CNTNAP2: variants seen among roughly 807,000 people sequenced by gnomAD.
CNTNAP2 encodes the protein contactin-associated protein-like 2.
Under a neutral mutation model 155.2 loss-of-function variants are expected in CNTNAP2, and 98 were observed. The ratio of observed to expected loss-of-function variants is 0.63; its 90% CI spans 0.54 to 0.75. The LOEUF is 0.75. CNTNAP2 is among the 30% of genes least tolerant of loss of function. The probability of loss-of-function intolerance (pLI) is 0.00; values close to 1 mark genes in which losing one functional copy is unlikely to be tolerated. For synonymous variants in CNTNAP2, 651 were observed against 631.2 expected (o/e 1.03, Z -0.47); for missense variants, 1,727 against 1,688.1 (o/e 1.02, Z -0.40).
At chr7:147,982,157 G>A (rs138891970) in intron 15 of CNTNAP2, among the ~76,000 whole-genome samples, 343 of 152,132 alleles carry the variant, frequency 2.3e-3, no homozygotes, top group African/African-American at 8.1e-3. Context: ...TATATATGAC[G>A]AATATAATTA....
chr7:146,937,365 AAAAT>A (rs1796940418), intron 3 of CNTNAP2, among the ~76,000 whole-genome samples: 4 of 65,514 alleles, frequency 6.1e-5, no homozygotes, highest in African/African-American at 1.9e-4. Context: ...AAAAAAAATA[AAAAT>A]AAAATAAAAT....
intron 1 of CNTNAP2, among the ~76,000 whole-genome samples, chr7:146,670,838 G>A (rs1214401640): frequency 6.6e-6 from 1 of 152,150 alleles, no homozygotes; most frequent in East Asian, 1.9e-4. Flanking sequence ...CTGAGGCTTT[G>A]CTCCGCCCAG....
intron 15 of CNTNAP2, among the ~76,000 whole-genome samples, chr7:148,005,684 C>T (rs1247521504): frequency 2.0e-5 from 3 of 152,188 alleles, no homozygotes; most frequent in South Asian, 2.1e-4. Flanking sequence ...TCCAAAAGCT[C>T]AATCTTATTT....
intron 8 of CNTNAP2, among the ~76,000 whole-genome samples, chr7:147,173,772 G>A (rs1802280290): frequency 6.6e-6 from 1 of 152,102 alleles, no homozygotes; most frequent in African/African-American, 2.4e-5. Flanking sequence ...GTGGGATGGG[G>A]ACATCACAAG....
At chr7:146,824,357 TGTGTCTTTACA>T (rs1803358860) in intron 2 of CNTNAP2, among the ~76,000 whole-genome samples, 1 of 152,222 alleles carries the variant, frequency 6.6e-6, no homozygotes, top group Admixed American at 6.5e-5. Context: ...TATGTGTGCA[TGTGTCTTTACA>T]GTAGAATGAT....
At chr7:146,846,776 A>G (rs1803849596) in intron 3 of CNTNAP2, among the ~76,000 whole-genome samples, 1 of 152,098 alleles carries the variant, frequency 6.6e-6, no homozygotes, top group Non-Finnish European at 1.5e-5. Context: ...TGAATATATT[A>G]TTGGCATATA....
chr7:146,658,382 G>C (rs1434177093), intron 1 of CNTNAP2, among the ~76,000 whole-genome samples: 1 of 103,972 alleles, frequency 9.6e-6, no homozygotes, highest in Non-Finnish European at 2.2e-5. Context: ...GGTGATTTCT[G>C]CCAAAAAAAA....
chr7:147,955,955 G>C (rs549322525), intron 14 of CNTNAP2, among the ~76,000 whole-genome samples: 3 of 152,244 alleles, frequency 2.0e-5, no homozygotes, highest in Admixed American at 1.3e-4. Context: ...GCTATTTATA[G>C]TGAAAAATTT....
rs398112005 is a variant in CNTNAP2, at chr7:148,169,959, C to CAA, written c.2774-2273_2774-2272dup. Reference sequence around the variant, plus strand: ...TAAACAATAGAGTGAAAATCCGCCTCAAAAAAAAAAAGTTTCATGATATGT... The same window carrying CAA: ...TAAACAATAGAGTGAAAATCCGCCTCAAAAAAAAAAAAAGTTTCATGATATGT... On this transcript the variant is annotated intron_variant, in intron 17 of 23. Coordinates refer to ENST00000361727, the MANE Select transcript of CNTNAP2 (RefSeq NM_014141.6). Among the ~76,000 whole-genome samples the CAA allele has an allele frequency of 7.2e-3, 1,046 of 144,350 alleles. 8 individuals carry two copies. Among genetic ancestry groups the CAA allele is most frequent in the African/African-American group, 0.022 (871 of 39,914 alleles). The allele number at this position is 144,350 out of a possible 152,430, so 94.7% of individuals were successfully genotyped here.
At chr7:146,906,126 T>G (rs1796119527) in intron 3 of CNTNAP2, among the ~76,000 whole-genome samples, 1 of 152,176 alleles carries the variant, frequency 6.6e-6, no homozygotes, top group Non-Finnish European at 1.5e-5. Context: ...CGGGACTATA[T>G]CCCACACCTG....
chr7:146,685,973 T>C (rs1044623289), intron 1 of CNTNAP2, among the ~76,000 whole-genome samples: 3 of 152,100 alleles, frequency 2.0e-5, no homozygotes, highest in Non-Finnish European at 4.4e-5. Context: ...TTAATAACAC[T>C]TAGTGTAATA....
chr7:146,581,387 T>A (rs1057329540), intron 1 of CNTNAP2, among the ~76,000 whole-genome samples: 3 of 152,232 alleles, frequency 2.0e-5, no homozygotes, highest in Middle Eastern at 6.8e-3. Context: ...TTCAGTGTTA[T>A]ACCAATGAAA....
intron 8 of CNTNAP2, among the ~76,000 whole-genome samples, chr7:147,161,150 T>C (rs1802016168): frequency 6.6e-6 from 1 of 151,950 alleles, no homozygotes; most frequent in Non-Finnish European, 1.5e-5. Context: ...ACTTGGTAAG[T>C]GATGTTGATG....
chr7:147,547,499 C>T (rs1799760596), intron 11 of CNTNAP2, among the ~76,000 whole-genome samples: 1 of 152,188 alleles, frequency 6.6e-6, no homozygotes, highest in Non-Finnish European at 1.5e-5. Flanking sequence ...GCGCTGTCTC[C>T]TCAGCTCATT....
rs1800071912 is a variant in CNTNAP2 at position 148,419,643 on chromosome 7, C to T, written c.*4027C>T. 1 of 151,740 alleles carries T rather than the reference C, an allele frequency of 6.6e-6. No individual in the cohort carries two copies. The highest frequency in any genetic ancestry group is 2.4e-5 in the African/African-American group (1 of 41,300). 9.4% of individuals were successfully genotyped at this position (151,740 alleles called of 1,614,324 possible). ...ATTATTAGTAGAAGCCAGGTTTCAC[C>T]ATGTTGGCCAGGGTGGTCTCGAACT... On this transcript the variant is annotated 3_prime_UTR_variant, in exon 24 of 24. Transcript: ENST00000361727.
intron 1 of CNTNAP2, among the ~76,000 whole-genome samples, chr7:146,538,787 C>CA (rs1797908002): frequency 6.6e-6 from 1 of 150,538 alleles, no homozygotes; most frequent in Non-Finnish European, 1.5e-5. Flanking sequence ...TAAAAGCAGA[C>CA]AAAAAATTGA....
intron 8 of CNTNAP2, among the ~76,000 whole-genome samples, chr7:147,192,381 G>A (rs563294081): frequency 6.6e-6 from 1 of 152,054 alleles, no homozygotes; most frequent in African/African-American, 2.4e-5. Context: ...TTTTACCCAA[G>A]GACTATACCC....
At chr7:148,001,540 ATTG>A in intron 15 of CNTNAP2, among the ~76,000 whole-genome samples, 1 of 152,370 alleles carries the variant, frequency 6.6e-6, no homozygotes, top group Admixed American at 6.5e-5. Context: ...AAAAGCAATC[ATTG>A]GAGTTGTCAA....
intron 1 of CNTNAP2, among the ~76,000 whole-genome samples, chr7:146,607,110 C>G (rs1344426876): frequency 6.6e-6 from 1 of 152,100 alleles, no homozygotes; most frequent in Non-Finnish European, 1.5e-5. Context: ...ATATTTCTAA[C>G]ATTATTATTA....
Sources: gnomAD v4.1 joint callset for allele counts (sites outside exome capture counted in the v4.1 genomes callset) on GRCh38, gnomAD v4.1.1 for gene constraint, MANE v1.5 for transcripts, NCBI Gene and HGNC (gene_info 2026-07-23, HGNC 2026-07-21) for gene names.